LNX2: variants seen among roughly 807,000 people sequenced by gnomAD.
LNX2 encodes the protein ligand of numb-protein X 2.
Under a neutral mutation model 66.2 loss-of-function variants are expected in LNX2, and 35 were observed. That is an observed-to-expected ratio of 0.53 (90% CI 0.40 to 0.70). The LOEUF is 0.70. Ranked by LOEUF, LNX2 falls within the 30% of genes least tolerant of loss-of-function variation. The probability of loss-of-function intolerance (pLI) is 0.00; values close to 1 mark genes in which losing one functional copy is unlikely to be tolerated. For synonymous variants in LNX2, 337 were observed against 315.6 expected (o/e 1.07, Z -0.72); for missense variants, 791 against 850.8 (o/e 0.93, Z 0.87).
At chr13:27,559,631 GCA>G (rs1357507283) in intron 6 of LNX2, among the ~76,000 whole-genome samples, 1 of 152,098 alleles carries the variant, frequency 6.6e-6, no homozygotes, top group African/African-American at 2.4e-5. Flanking sequence ...AAGGAACAAA[GCA>G]GTCACTTTCC....
chr13:27,554,539 T>C (rs1333034233), intron 7 of LNX2, among the ~76,000 whole-genome samples: 1 of 152,216 alleles, frequency 6.6e-6, no homozygotes, highest in African/African-American at 2.4e-5. Context: ...TTTTCAGGGT[T>C]CATCCTTGTA....
At chr13:27,611,734 A>C (rs548970559) in intron 1 of LNX2, among the ~76,000 whole-genome samples, 1 of 152,364 alleles carries the variant, frequency 6.6e-6, no homozygotes, top group East Asian at 1.9e-4. Flanking sequence ...ACTAGATTTC[A>C]GTACTTAATA....
At chr13:27,608,126 C>A (rs1955737377) in intron 1 of LNX2, among the ~76,000 whole-genome samples, 2 of 152,138 alleles carry the variant, frequency 1.3e-5, no homozygotes, top group South Asian at 4.1e-4. Flanking sequence ...CAATAAACAC[C>A]CAGTGGGAAA....
intron 1 of LNX2, among the ~76,000 whole-genome samples, chr13:27,610,365 C>T (rs764777226): frequency 2.6e-5 from 4 of 152,202 alleles, no homozygotes; most frequent in East Asian, 1.9e-4. Context: ...GCCCAATAAG[C>T]GACATCAATT....
chr13:27,620,134 G>A (rs887531219), intron 1 of LNX2, among the ~76,000 whole-genome samples: 6 of 150,802 alleles, frequency 4.0e-5, no homozygotes, highest in Non-Finnish European at 7.4e-5. Context: ...GCAGGCGGCG[G>A]GCACCGGGCG....
intron 1 of LNX2, among the ~76,000 whole-genome samples, chr13:27,582,574 T>C (rs1018980339): frequency 1.3e-5 from 2 of 152,332 alleles, no homozygotes; most frequent in Middle Eastern, 3.4e-3. Flanking sequence ...ACATTTACAG[T>C]ACAATATCAA....
At chr13:27,618,671 A>G (rs983602879) in intron 1 of LNX2, among the ~76,000 whole-genome samples, 9 of 152,234 alleles carry the variant, frequency 5.9e-5, no homozygotes, top group African/African-American at 2.2e-4. Flanking sequence ...TTAGTGCCCA[A>G]TGTAAGCAAG....
In LNX2 at chr13:27,559,877, G is replaced by A; in HGVS notation, c.1333C>T (p.Pro445Ser). Reference sequence around the variant, plus strand: ...CTTGGTCTGCTATAATACGGTGGTGGTGTGTGGTGCTGGCTGCTGCTGCTA... The same window carrying A: ...CTTGGTCTGCTATAATACGGTGGTGATGTGTGGTGCTGGCTGCTGCTGCTA... ...NHSSSSQHHT[P>S]PPYYSRPSSH... Residue 445 changes from proline to serine, a missense_variant, in exon 6 of 10, where the codon CCA becomes TCA. Physicochemically the swap from Pro to Ser is moderately conservative, Grantham distance 74. Coordinates refer to ENST00000316334, the MANE Select transcript of LNX2 (RefSeq NM_153371.4). The A allele has an allele frequency of 6.2e-7, 1 of 1,610,054 alleles. No homozygotes were observed. The highest frequency in any genetic ancestry group is 1.7e-5 in the Admixed American group (1 of 59,892).
intron 1 of LNX2, among the ~76,000 whole-genome samples, chr13:27,582,731 G>A (rs530415677): frequency 6.6e-6 from 1 of 152,214 alleles, no homozygotes; most frequent in South Asian, 2.1e-4. Context: ...TCACACACCA[G>A]GGCCTGTCAG....
At chr13:27,557,148 T>C (rs1024264134) in intron 6 of LNX2, among the ~76,000 whole-genome samples, 1 of 152,148 alleles carries the variant, frequency 6.6e-6, no homozygotes, top group African/African-American at 2.4e-5. Flanking sequence ...AAGATGTACA[T>C]ATGCAATATT....
At chr13:27,562,842 T>C in intron 4 of LNX2, 61 bp from the exon 5 acceptor site, 1 of 1,531,902 alleles carries the variant, frequency 6.5e-7, no homozygotes. Context: ...TTTGTAGGAA[T>C]GTTTATGTGA....
intron 1 of LNX2, among the ~76,000 whole-genome samples, chr13:27,585,005 C>T (rs1055621378): frequency 6.6e-6 from 1 of 151,664 alleles, no homozygotes; most frequent in Non-Finnish European, 1.5e-5. Context: ...GTAGTCCCAA[C>T]TACTTAGGAG....
At chr13:27,553,684 C>T (rs1314652079) in intron 7 of LNX2, among the ~76,000 whole-genome samples, 1 of 152,092 alleles carries the variant, frequency 6.6e-6, no homozygotes, top group Non-Finnish European at 1.5e-5. Flanking sequence ...TGGCCTGAGG[C>T]ACCTTGACAT....
intron 1 of LNX2, among the ~76,000 whole-genome samples, chr13:27,609,667 C>T (rs955438320): frequency 6.6e-6 from 1 of 152,110 alleles, no homozygotes; most frequent in Non-Finnish European, 1.5e-5. Context: ...GTTAATACAA[C>T]ATAAATTAGT....
intron 1 of LNX2, among the ~76,000 whole-genome samples, chr13:27,594,629 G>A (rs1955577888): frequency 6.6e-6 from 1 of 152,040 alleles, no homozygotes; most frequent in African/African-American, 2.4e-5. Flanking sequence ...TCTCCCAGTT[G>A]TTACAGTATA....
At chr13:27,562,217 G>A (rs1177772738) in intron 5 of LNX2, among the ~76,000 whole-genome samples, 196 bp downstream of exon 5, 1 of 152,072 alleles carries the variant, frequency 6.6e-6, no homozygotes, top group Non-Finnish European at 1.5e-5. Context: ...AAATTCACAG[G>A]GATATAGTTT....
At position 27,549,145 on chromosome 13, in the gene LNX2, C is replaced by T. The variant is rs373045061; in HGVS notation, c.1938-675G>A. Among the ~76,000 whole-genome samples, 116 of 152,258 alleles carry T rather than the reference C, an allele frequency of 7.6e-4. 1 individual carries two copies. Among genetic ancestry groups the T allele is most frequent in the East Asian group, 1.3e-3 (7 of 5,190 alleles). ...AGAGTGATTAATTCATTTTTCCCTA[C>T]TCTGTCCTCCTAAAATGATTTTTTT... On this transcript the variant is annotated intron_variant, in intron 9 of 9. Transcript: ENST00000316334.
Position 27,581,464 on chromosome 13 carries a change from C to G in LNX2, c.240G>C (p.Glu80Asp). ...CYKCLRNFLQ[E>D]KDFCPLDRKR... ...TCCGGTCCAACGGACAGAAATCTTT[C>G]TCTTGTAAAAAGTTTCTGAGGCACT... The change falls in exon 2 of 10, where the codon GAG becomes GAC. Residue 80 changes from glutamate to aspartate, a missense_variant. Coordinates refer to ENST00000316334, the MANE Select transcript of LNX2 (RefSeq NM_153371.4). The G allele has an allele frequency of 6.2e-7, 1 of 1,611,064 alleles. No homozygotes were observed. Among genetic ancestry groups the G allele is most frequent in the South Asian group, 1.1e-5 (1 of 90,916 alleles).
intron 1 of LNX2, among the ~76,000 whole-genome samples, chr13:27,609,853 T>C (rs1369207519): frequency 6.6e-6 from 1 of 152,142 alleles, no homozygotes; most frequent in East Asian, 1.9e-4. Context: ...TCATACTCCA[T>C]TAAAAACAGA....
Sources: gnomAD v4.1 joint callset for allele counts (sites outside exome capture counted in the v4.1 genomes callset) on GRCh38, gnomAD v4.1.1 for gene constraint, MANE v1.5 for transcripts, NCBI Gene and HGNC (gene_info 2026-07-23, HGNC 2026-07-21) for gene names.